The following MYRIP variants were observed in gnomAD, a reference collection of about 807,000 sequenced individuals.
The protein encoded by MYRIP is rab effector MyRIP.
MYRIP carries 49 observed loss-of-function variants against 98.0 expected under a neutral mutation model. The observed-to-expected ratio is 0.50, with a 90% CI of 0.40 to 0.63. The LOEUF (loss-of-function observed/expected upper bound fraction) is 0.63, where lower values mean the gene tolerates loss of function less well. Among genes scored for constraint, MYRIP ranks in the 30% least tolerant of loss-of-function variants. The pLI is 0.00. For synonymous variants in MYRIP, 404 were observed against 409.5 expected (o/e 0.99, Z 0.16); for missense variants, 1,004 against 1,058.2 (o/e 0.95, Z 0.71).
chr3:39,843,377 C>A (rs755220880), intron 1 of MYRIP, among the ~76,000 whole-genome samples: 6 of 151,782 alleles, frequency 4.0e-5, no homozygotes, highest in Non-Finnish European at 5.9e-5. Context: ...CGAAAAAAGA[C>A]AAGAAAGAAA....
intron 11 of MYRIP, among the ~76,000 whole-genome samples, chr3:40,217,074 A>C (rs1042544947): frequency 6.6e-6 from 1 of 152,242 alleles, no homozygotes; most frequent in African/African-American, 2.4e-5. Context: ...GAAGGTTTAC[A>C]AAACCTGAAC....
At chr3:39,942,289 A>G (rs1944805466) in intron 2 of MYRIP, among the ~76,000 whole-genome samples, 1 of 152,162 alleles carries the variant, frequency 6.6e-6, no homozygotes, top group African/African-American at 2.4e-5. Flanking sequence ...GAAAAGACCA[A>G]TAACCATCTA....
chr3:39,809,361 G>A (rs894691348), upstream of MYRIP, among the ~76,000 whole-genome samples: 110 of 150,040 alleles, frequency 7.3e-4, no homozygotes, highest in African/African-American at 2.4e-3. Context: ...CCCCGGGCGC[G>A]CGCAGCCCTG....
chr3:40,000,356 C>T (rs985961712), intron 2 of MYRIP, among the ~76,000 whole-genome samples: 1 of 152,184 alleles, frequency 6.6e-6, no homozygotes, highest in Admixed American at 6.5e-5. Flanking sequence ...TTGCCTCCAG[C>T]AGCACCATTA....
intron 2 of MYRIP, among the ~76,000 whole-genome samples, chr3:40,025,434 C>T (rs989600651): frequency 1.3e-5 from 2 of 151,892 alleles, no homozygotes; most frequent in African/African-American, 4.8e-5. Flanking sequence ...GTGATATTAC[C>T]CATGACAAAC....
chr3:39,844,977 C>T (rs1285699815), intron 1 of MYRIP, among the ~76,000 whole-genome samples: 1 of 152,180 alleles, frequency 6.6e-6, no homozygotes, highest in Non-Finnish European at 1.5e-5. Flanking sequence ...AACTGGTTGC[C>T]TTACAGTTTA....
At chr3:39,857,205 C>A (rs1321092033) in intron 1 of MYRIP, among the ~76,000 whole-genome samples, 2 of 145,150 alleles carry the variant, frequency 1.4e-5, no homozygotes, top group Admixed American at 1.4e-4. Context: ...AGGGTGAGGC[C>A]CTGTCTCAGA....
rs186461854 is a variant in MYRIP, at chr3:40,018,377, T to A, written c.111-25673T>A. On this transcript the variant is annotated intron_variant, in intron 2 of 16. Transcript: ENST00000302541. ...CTCTCCAGAGCTCTATCCAGTCTGC[T>A]TTCCTGTCTCCCGCTAAACATGTTC... 1.2e-3 allele frequency among the ~76,000 whole-genome samples: 180 copies of A among 152,352 alleles called. 1 individual carries two copies. The highest frequency in any genetic ancestry group is 4.2e-3 in the African/African-American group (175 of 41,578).
At chr3:39,889,378 A>G (rs2125656687) in intron 1 of MYRIP, among the ~76,000 whole-genome samples, 1 of 152,308 alleles carries the variant, frequency 6.6e-6, no homozygotes, top group South Asian at 2.1e-4. Flanking sequence ...TGTCCTTTAT[A>G]GGGACATGGA....
Position 40,077,977 on chromosome 3 carries a change from G to T in MYRIP, c.332+33706G>T, listed in dbSNP as rs562363152. Among the ~76,000 whole-genome samples, 14 of 152,376 alleles carry T rather than the reference G, an allele frequency of 9.2e-5. No homozygotes were observed. In the South Asian group the frequency reaches 2.5e-3, roughly 27 times the overall value. On this transcript the variant is annotated intron_variant, in intron 3 of 16. Coordinates refer to ENST00000302541, the MANE Select transcript of MYRIP (RefSeq NM_015460.4). ...ATGGGACTGGGCGCCGTGGAGCAGGGGGTGGCGCTCGTTGGGGAGGGTCGG... is the reference window on the plus strand; with the variant it reads ...ATGGGACTGGGCGCCGTGGAGCAGGTGGTGGCGCTCGTTGGGGAGGGTCGG...
At chr3:40,145,860 A>G (rs1949998146) in intron 3 of MYRIP, among the ~76,000 whole-genome samples, 1 of 152,202 alleles carries the variant, frequency 6.6e-6, no homozygotes, top group African/African-American at 2.4e-5. Context: ...ATGTCATGGG[A>G]GAAGACTTCA....
chr3:40,097,181 G>T (rs1948849896), intron 3 of MYRIP, among the ~76,000 whole-genome samples: 1 of 152,190 alleles, frequency 6.6e-6, no homozygotes, highest in African/African-American at 2.4e-5. Context: ...CTCCTGTACG[G>T]TTCTAAGCAC....
intron 3 of MYRIP, among the ~76,000 whole-genome samples, chr3:40,132,791 T>C (rs1198678085): frequency 6.6e-6 from 1 of 152,232 alleles, no homozygotes; most frequent in Non-Finnish European, 1.5e-5. Context: ...ATGAGGCTGA[T>C]ACAAGAAGAT....
At chr3:40,164,377 C>T (rs980084672) in intron 5 of MYRIP, among the ~76,000 whole-genome samples, 1 of 152,176 alleles carries the variant, frequency 6.6e-6, no homozygotes, top group African/African-American at 2.4e-5. Flanking sequence ...CCCCAACATA[C>T]AGGGTAGGCC....
intron 2 of MYRIP, among the ~76,000 whole-genome samples, chr3:40,026,173 C>A (rs1947122283): frequency 6.6e-6 from 1 of 152,058 alleles, no homozygotes; most frequent in African/African-American, 2.4e-5. Flanking sequence ...TTCCTAGGGT[C>A]TTAATATTAT....
chr3:40,090,757 C>T (rs1948723941), intron 3 of MYRIP, among the ~76,000 whole-genome samples: 1 of 152,154 alleles, frequency 6.6e-6, no homozygotes, highest in African/African-American at 2.4e-5. Context: ...TGTTTCTGTG[C>T]CTTCCTTTCC....
At chr3:40,112,902 C>T (rs1365084518) in intron 3 of MYRIP, among the ~76,000 whole-genome samples, 2 of 152,166 alleles carry the variant, frequency 1.3e-5, no homozygotes, top group East Asian at 3.8e-4. Flanking sequence ...AGAAGCCACC[C>T]TACCAGAAAC....
chr3:40,092,972 T>C (rs1325345680), intron 3 of MYRIP, among the ~76,000 whole-genome samples: 3 of 152,112 alleles, frequency 2.0e-5, no homozygotes, highest in South Asian at 2.1e-4. Context: ...TAGTAGTGAC[T>C]CCCTCCCAGA....
rs556785425 is a variant in MYRIP at position 39,974,526 on chromosome 3, A to G, written c.111-69524A>G. ...AAACTATTCCAATCAATAGAAAAAGAGGGAATCCTCCCTAACTCATTTTAT... is the reference window on the plus strand; with the variant it reads ...AAACTATTCCAATCAATAGAAAAAGGGGGAATCCTCCCTAACTCATTTTAT... On this transcript the variant is annotated intron_variant, in intron 2 of 16. Transcript: ENST00000302541. 3.3e-4 allele frequency among the ~76,000 whole-genome samples: 50 copies of G among 152,338 alleles called. No individual in the cohort carries two copies. In the East Asian group the frequency reaches 9.4e-3, roughly 29 times the overall value.
Sources: allele counts gnomAD v4.1 joint callset (sites outside exome capture counted in the v4.1 genomes callset), GRCh38; gene constraint gnomAD v4.1.1; transcripts MANE v1.5; gene names NCBI Gene and HGNC (gene_info 2026-07-23, HGNC 2026-07-21).